The following CST7 variants were observed in gnomAD, a reference collection of about 807,000 sequenced individuals.
The protein encoded by CST7 is cystatin F.
A neutral mutation model predicts 13.1 loss-of-function variants in CST7; 15 were observed. The ratio of observed to expected loss-of-function variants is 1.14; its 90% CI spans 0.77 to 1.76. The LOEUF is 1.76. Ranked by LOEUF, CST7 falls within the 40% of genes most tolerant of loss-of-function variation. CST7 has a pLI of 0.00. For missense variants in CST7, 193 were observed against 178.8 expected, an observed-to-expected ratio of 1.08 and a Z score of -0.45; for synonymous variants, 75 against 66.9, an observed-to-expected ratio of 1.12 and a Z score of -0.59.
intron 1 of CST7, 61 bp from the exon 2 acceptor site, chr20:24,957,225 GA>G: frequency 6.5e-7 from 1 of 1,542,782 alleles, no homozygotes; most frequent in Non-Finnish European, 8.8e-7. Context: ...CATGAGGCGT[GA>G]CACCTGGACT....
intron 1 of CST7, among the ~76,000 whole-genome samples, chr20:24,956,329 T>C (rs1417096215): frequency 6.6e-6 from 1 of 152,182 alleles, no homozygotes; most frequent in Non-Finnish European, 1.5e-5. Flanking sequence ...AAGGCCTCCC[T>C]GCAGTGCCCA....
chr20:24,958,968 G>A lies in CST7; in HGVS notation c.284G>A (p.Gly95Asp), dbSNP rs753061639. Residue 95 changes from glycine (G) to aspartate (D), a missense_variant, in exon 3 of 4, where the codon GGC becomes GAC. Gly to Asp is a moderately conservative substitution (Grantham distance 94). Coordinates refer to ENST00000480798, the MANE Select transcript of CST7 (RefSeq NM_003650.4). ...GLKYMLEVEI[G>D]RTTCKKNQHL... is the part of the protein sequence containing the mutation. ...AAATATATGCTGGAGGTGGAAATTG[G>A]CAGAACTACCTGCAAGAAAAACCAG... 4 of 1,613,912 alleles carry A rather than the reference G, an allele frequency of 2.5e-6. No individual in the cohort carries two copies. The South Asian group carries it at 3.3e-5, about 13-fold the overall frequency.
At chr20:24,955,294 G>A (rs986620197) in intron 1 of CST7, among the ~76,000 whole-genome samples, 47 of 152,106 alleles carry the variant, frequency 3.1e-4, no homozygotes, top group African/African-American at 1.1e-3. Flanking sequence ...AACACTGCAG[G>A]TCCCAAGGGA....
intron 1 of CST7, among the ~76,000 whole-genome samples, chr20:24,956,253 C>A (rs1312635481): frequency 2.6e-5 from 4 of 152,186 alleles, no homozygotes; most frequent in Non-Finnish European, 5.9e-5. Flanking sequence ...CTCTTGCAGA[C>A]CTCACACAGC....
intron 1 of CST7, among the ~76,000 whole-genome samples, chr20:24,950,382 A>G (rs1359432984): frequency 6.6e-6 from 1 of 152,242 alleles, no homozygotes; most frequent in East Asian, 1.9e-4. Context: ...GCTGTGCAGC[A>G]GGACCACTGA....
intron 2 of CST7, 27 bp downstream of exon 2, chr20:24,957,486 T>C: frequency 1.2e-6 from 2 of 1,608,092 alleles, no homozygotes; most frequent in East Asian, 4.5e-5. Context: ...TGGTCACATA[T>C]CACGGACACC....
chr20:24,959,095 T>G (rs752024220), intron 3 of CST7, 51 bp downstream of exon 3: 10 of 1,391,486 alleles, frequency 7.2e-6, no homozygotes, highest in Middle Eastern at 1.8e-4. Flanking sequence ...CCCAGCCCAC[T>G]CCCTCCCAGG....
At chr20:24,950,306 A>G (rs545336063) in intron 1 of CST7, among the ~76,000 whole-genome samples, 1 of 152,306 alleles carries the variant, frequency 6.6e-6, no homozygotes, top group Admixed American at 6.5e-5. Context: ...CTCAAGTCAT[A>G]TGACCCCCAC....
chr20:24,951,822 G>C (rs1381499972), intron 1 of CST7, among the ~76,000 whole-genome samples: 2 of 152,226 alleles, frequency 1.3e-5, no homozygotes, highest in African/African-American at 4.8e-5. Flanking sequence ...CTTTTGAAAA[G>C]GGCTGTTTCT....
At position 24,952,718 on chromosome 20, in the gene CST7, C is replaced by A. The variant is rs182108792; in HGVS notation, c.70+3143C>A. Among the ~76,000 whole-genome samples the A allele has an allele frequency of 1.4e-4, 21 of 152,334 alleles. 1 individual carries two copies. Among genetic ancestry groups the A allele is most frequent in the Admixed American group, 1.1e-3 (17 of 15,310 alleles). On this transcript the variant is annotated intron_variant, in intron 1 of 3. Transcript: ENST00000480798. Reference sequence around the variant, plus strand: ...GCTCAGTACTGGCCCATGGAAAGGGCACCCCCTGAGGTGACACAGGGAGGG... The same window carrying A: ...GCTCAGTACTGGCCCATGGAAAGGGAACCCCCTGAGGTGACACAGGGAGGG...
intron 1 of CST7, among the ~76,000 whole-genome samples, chr20:24,953,863 G>A (rs1314171190): frequency 4.6e-5 from 7 of 152,210 alleles, no homozygotes; most frequent in South Asian, 2.1e-4. Context: ...CTGACGGTCC[G>A]TGGGTTCTTT....
chr20:24,957,141 G>T lies in CST7; in HGVS notation c.71-146G>T, dbSNP rs1283745174. On this transcript the variant is annotated intron_variant, in intron 1 of 3. Transcript: ENST00000480798. Reference sequence around the variant, plus strand: ...AAGCAGGGACAGGTGACAGGGGTAGGTAAGAGGGGGAGCAGGTGAGGGGTG... The same window carrying T: ...AAGCAGGGACAGGTGACAGGGGTAGTTAAGAGGGGGAGCAGGTGAGGGGTG... 19 of 422,466 alleles carry T rather than the reference G, an allele frequency of 4.5e-5. No individual in the cohort carries two copies. In the Admixed American group the frequency reaches 7.3e-4, roughly 16 times the overall value. 26.2% of individuals were successfully genotyped at this position (422,466 alleles called of 1,614,324 possible). A position where few individuals can be genotyped will look rare whatever the true frequency, so the allele number is the denominator to read the frequency against.
At chr20:24,954,683 A>G (rs2087842320) in intron 1 of CST7, among the ~76,000 whole-genome samples, 1 of 152,240 alleles carries the variant, frequency 6.6e-6, no homozygotes, top group Non-Finnish European at 1.5e-5. Flanking sequence ...TTAAATAAAA[A>G]ATACCAATTT....
chr20:24,955,895 A>G (rs1240872608), intron 1 of CST7, among the ~76,000 whole-genome samples: 1 of 152,196 alleles, frequency 6.6e-6, no homozygotes, highest in Non-Finnish European at 1.5e-5. Flanking sequence ...GGGGTGGGGC[A>G]CCAGCACTGC....
intron 1 of CST7, among the ~76,000 whole-genome samples, chr20:24,951,650 G>C (rs1035600147): frequency 6.6e-6 from 1 of 152,136 alleles, no homozygotes; most frequent in African/African-American, 2.4e-5. Flanking sequence ...GGTAGGGGGC[G>C]GGGAAGCAAC....
In CST7 at chr20:24,949,352, A is replaced by C; in HGVS notation, c.-154A>C. ...CCCGTGCTGCCTGAGAAGGATTGGC[A>C]CGGGCACAGACCACTGCCCCCACCT... On this transcript the variant is annotated 5_prime_UTR_variant, in exon 1 of 4. Coordinates refer to ENST00000480798, the MANE Select transcript of CST7 (RefSeq NM_003650.4). The C allele has an allele frequency of 6.5e-7, 1 of 1,549,916 alleles. No homozygotes were observed.
chr20:24,958,890 C>A (rs2087876247), intron 2 of CST7, 38 bp from the exon 3 acceptor site: 1 of 1,485,448 alleles, frequency 6.7e-7, no homozygotes, highest in African/African-American at 1.4e-5. Flanking sequence ...GCCCTCCCTC[C>A]CCTGTGCCCA....
Position 24,949,569 on chromosome 20 carries a change from T to C in CST7, c.64T>C (p.Ser22Pro). ...GGTCTTGAGCACCACTGGGGGCCCTTCCCCAGGTAAGTGGCGTTCTCCCCT... is the reference window on the plus strand; with the variant it reads ...GGTCTTGAGCACCACTGGGGGCCCTCCCCCAGGTAAGTGGCGTTCTCCCCT... ...CLVLSTTGGPSPDTCSQDLNS... is the reference protein window; with the variant it reads ...CLVLSTTGGPPPDTCSQDLNS... Residue 22 changes from serine (S) to proline (P), a missense_variant, in exon 1 of 4, where the codon TCC (serine) becomes CCC (proline). Transcript: ENST00000480798. 6.2e-7 allele frequency: 1 copy of C among 1,614,016 alleles called. No individual in the cohort carries two copies.
chr20:24,957,313 C>T lies in CST7; in HGVS notation c.97C>T (p.Arg33Cys), dbSNP rs200933943. 4.2e-5 allele frequency: 67 copies of T among 1,612,638 alleles called. No homozygotes were observed. The highest frequency in any genetic ancestry group is 5.3e-5 in the African/African-American group (4 of 74,798). Residue 33 changes from arginine to cysteine, a missense_variant, in exon 2 of 4, where the codon CGT becomes TGT. Arg to Cys is a radical substitution (Grantham distance 180). Transcript: ENST00000480798. ...PDTCSQDLNS[R>C]VKPGFPKTIK... ...TACTTGTTCCCAGGACCTTAACTCA[C>T]GTGTGAAGCCAGGATTTCCTAAAAC...
Sources: allele counts gnomAD v4.1 joint callset (sites outside exome capture counted in the v4.1 genomes callset), GRCh38; gene constraint gnomAD v4.1.1; transcripts MANE v1.5; gene names NCBI Gene and HGNC (gene_info 2026-07-23, HGNC 2026-07-21).